The following ZNF564 variants were observed in gnomAD, a reference collection of about 807,000 sequenced individuals.
The protein encoded by ZNF564 is zinc finger protein 564.
Under a neutral mutation model 10.5 loss-of-function variants are expected in ZNF564, and 5 were observed. The ratio of observed to expected loss-of-function variants is 0.48; its 90% CI spans 0.25 to 1.00. The LOEUF is 1.00. Ranked by LOEUF, ZNF564 falls within the 50% of genes least tolerant of loss-of-function variation. The probability of loss-of-function intolerance (pLI) is 0.16; values close to 1 mark genes in which losing one functional copy is unlikely to be tolerated. For synonymous variants in ZNF564, 242 were observed against 218.1 expected, an observed-to-expected ratio of 1.11 and a Z score of -0.97; for missense variants, 603 against 669.7, an observed-to-expected ratio of 0.90 and a Z score of 1.10.
At chr19:12,547,898 G>A (rs952173251) in intron 1 of ZNF564, among the ~76,000 whole-genome samples, 2 of 149,758 alleles carry the variant, frequency 1.3e-5, no homozygotes, top group African/African-American at 4.9e-5. Flanking sequence ...CGCAACTTCC[G>A]CCTGCTGGGT....
At chr19:12,528,073 T>C (rs6511824) in intron 3 of ZNF564, among the ~76,000 whole-genome samples, 157 bp from the exon 4 acceptor site, 148,261 of 152,220 alleles carry the variant, frequency 0.97, 72,321 homozygotes, top group Non-Finnish European at 1. Flanking sequence ...CAAGAGAGCT[T>C]GACAGTAGCT....
At chr19:12,550,156 G>A (rs1166704962) in intron 1 of ZNF564, 1 of 152,356 alleles carries the variant, frequency 6.6e-6, no homozygotes, top group South Asian at 2.0e-4. Context: ...GCCGGGCATG[G>A]TGGCGCATGC....
chr19:12,537,957 A>T (rs2145079960), intron 1 of ZNF564, among the ~76,000 whole-genome samples: 1 of 152,004 alleles, frequency 6.6e-6, no homozygotes, highest in East Asian at 1.9e-4. Flanking sequence ...ACAGGAAAAA[A>T]TTTCCTTCTT....
In ZNF564 at chr19:12,527,113, G is replaced by A; in HGVS notation, c.995C>T (p.Thr332Ile). 2 of 1,614,130 alleles carry A rather than the reference G, an allele frequency of 1.2e-6. No individual in the cohort carries two copies. The highest frequency in any genetic ancestry group is 2.2e-5 in the South Asian group (2 of 91,078). Residue 332 changes from threonine to isoleucine, a missense_variant, in exon 4 of 4, where the codon ACT becomes ATT. Physicochemically the swap from Thr to Ile is moderately conservative, Grantham distance 89 (BLOSUM62 -1). Transcript: ENST00000339282. ...SYVRKHERTH[T>I]GEKPYECNKC... ...ATTACATTCATAGGGTTTCTCCCCA[G>A]TATGAGTTCTTTCATGCTTTCGAAC... is the stretch of plus-strand genomic sequence containing the variant.
chr19:12,548,051 AC>A, intron 1 of ZNF564: 5 of 508,376 alleles, frequency 9.8e-6, no homozygotes, highest in Non-Finnish European at 1.3e-5. Context: ...CAGGTGATCC[AC>A]CCACCTCAGC....
intron 1 of ZNF564, among the ~76,000 whole-genome samples, chr19:12,544,790 A>G (rs763282887): frequency 2.6e-5 from 4 of 152,206 alleles, no homozygotes; most frequent in Non-Finnish European, 5.9e-5. Flanking sequence ...TTAGGTGTGT[A>G]TATCAGGTCT....
rs1391699194 is a variant in ZNF564, at chr19:12,527,894, T to C, written c.214A>G (p.Ser72Gly). 3 of 1,606,388 alleles carry C rather than the reference T, an allele frequency of 1.9e-6. No individual in the cohort carries two copies. The highest frequency in any genetic ancestry group is 8.5e-7 in the Non-Finnish European group (1 of 1,175,774). Residue 72 changes from serine to glycine, a missense_variant, in exon 4 of 4, where the codon AGT (serine) becomes GGT (glycine). Physicochemically the swap from Ser to Gly is moderately conservative, Grantham distance 56. Transcript: ENST00000339282. ...ILRNHMEEGLSESKEYDQCGE... is the reference protein window; with the variant it reads ...ILRNHMEEGLGESKEYDQCGE... ...CATTGATCATATTCTTTACTTTCAC[T>C]GAGTCCCTCTTCCATATGATTTCTG...
At chr19:12,548,922 A>G (rs1009359516) in intron 1 of ZNF564, 7 of 700,756 alleles carry the variant, frequency 1.0e-5, no homozygotes, top group Non-Finnish European at 1.8e-5. Flanking sequence ...GTGGAAATGT[A>G]TTCGTTTCTC....
At chr19:12,530,906 A>G (rs1568262437) in intron 1 of ZNF564, among the ~76,000 whole-genome samples, 1 of 152,116 alleles carries the variant, frequency 6.6e-6, no homozygotes, top group Non-Finnish European at 1.5e-5. Context: ...AGCTAGAACT[A>G]TAGTCGCAAG....
At chr19:12,540,660 C>A (rs1388752448) in intron 1 of ZNF564, among the ~76,000 whole-genome samples, 1 of 152,198 alleles carries the variant, frequency 6.6e-6, no homozygotes, top group Non-Finnish European at 1.5e-5. Flanking sequence ...CGCCACCATC[C>A]TGGCTAACAT....
In ZNF564 at chr19:12,526,529, G is replaced by A; in HGVS notation, c.1579C>T (p.His527Tyr). Residue 527 changes from histidine (H) to tyrosine (Y), a missense_variant, in exon 4 of 4, where the codon CAT becomes TAT. His to Tyr is a moderately conservative substitution (Grantham distance 83). Coordinates refer to ENST00000339282, the MANE Select transcript of ZNF564 (RefSeq NM_144976.4). ...SSSFQRHERA[H>Y]NGDKPYVKNV... ...TTTACGTAAGGTTTATCTCCATTAT[G>A]AGCTCTTTCATGTCTTTGAAAGGAA... The A allele has an allele frequency of 6.2e-7, 1 of 1,613,484 alleles. No individual in the cohort carries two copies. Among genetic ancestry groups the A allele is most frequent in the African/African-American group, 1.3e-5 (1 of 74,986 alleles).
At chr19:12,546,031 A>G (rs2022145525) in intron 1 of ZNF564, among the ~76,000 whole-genome samples, 1 of 152,190 alleles carries the variant, frequency 6.6e-6, no homozygotes, top group African/African-American at 2.4e-5. Context: ...GTTGTGAATA[A>G]CAAAACACAC....
chr19:12,538,923 G>A (rs1454068889), intron 1 of ZNF564, among the ~76,000 whole-genome samples: 2 of 151,942 alleles, frequency 1.3e-5, no homozygotes, highest in Admixed American at 6.6e-5. Flanking sequence ...CACTAACGCA[G>A]TATGTTAAAA....
intron 1 of ZNF564, among the ~76,000 whole-genome samples, chr19:12,531,155 GT>G (rs1164552338): frequency 2.0e-5 from 3 of 152,158 alleles, no homozygotes; most frequent in Non-Finnish European, 4.4e-5. Flanking sequence ...TCAACAAAAA[GT>G]TCTTCTCCAA....
In ZNF564 at chr19:12,528,349, T is replaced by A; in HGVS notation, c.146A>T (p.Asp49Val). The A allele has an allele frequency of 6.2e-7, 1 of 1,607,716 alleles. No individual in the cohort carries two copies. Among genetic ancestry groups the A allele is most frequent in the Non-Finnish European group, 8.5e-7 (1 of 1,178,620 alleles). The change falls in exon 3 of 4, where the codon GAC becomes GTC. Residue 49 changes from aspartate (D) to valine (V), a missense_variant. Asp to Val is a radical substitution (Grantham distance 152). Transcript: ENST00000339282. ...NLACVGKKWE[D>V]QSIEDWYKNQ... ...TTTGTACCAATCTTCAATGCTCTGG[T>A]CTTCCCATTTTTTTCCTAAAATATA...
rs901604188 is a variant in ZNF564, at chr19:12,527,616, A to G, written c.492T>C (p.Thr164=). 2.5e-6 allele frequency: 4 copies of G among 1,614,086 alleles called. No individual in the cohort carries two copies. In the African/African-American group the frequency reaches 5.3e-5, roughly 22 times the overall value. ...CCGGACATGCATAGGGTTTCTCACC[A>G]GTGTGAGTTCTTTCATGTCTTCGAA... ...QSFRRHERTH[T]GEKPYACPEC... The change falls in exon 4 of 4, where the codon ACT becomes ACC. Residue 164 remains threonine (T), a synonymous_variant. Transcript: ENST00000339282.
rs773975038 is a variant in ZNF564 at position 12,527,430 on chromosome 19, T to C, written c.678A>G (p.Glu226=). 1 of 1,614,158 alleles carries C rather than the reference T, an allele frequency of 6.2e-7. No homozygotes were observed. Among genetic ancestry groups the C allele is most frequent in the South Asian group, 1.1e-5 (1 of 91,084 alleles). The change falls in exon 4 of 4, where the codon GAA becomes GAG. Residue 226 remains glutamate (E), a synonymous_variant. Transcript: ENST00000339282. ...ERTHTGEKPY[E]CQECAKAFIS... ...TGAAAGCTTTTGCACATTCCTGACA[T>C]TCATAGGGTTTCTCTCCAGTGTGAG... is the stretch of plus-strand genomic sequence containing the variant.
At chr19:12,533,465 G>T (rs796870926) in intron 1 of ZNF564, among the ~76,000 whole-genome samples, 1 of 152,116 alleles carries the variant, frequency 6.6e-6, no homozygotes, top group Admixed American at 6.5e-5. Context: ...AGTGGCTCAC[G>T]CCTATAATCC....
In ZNF564 at chr19:12,529,580, T is replaced by C. The variant is rs919878476; in HGVS notation, c.4-884A>G. ...GAGATCATGCCATTGCACTCCAGCC[T>C]GGAGGACAGAGAGAGACTAAGTCTC... On this transcript the variant is annotated intron_variant, in intron 1 of 3. Transcript: ENST00000339282. Among the ~76,000 whole-genome samples the C allele has an allele frequency of 2.0e-5, 3 of 147,616 alleles. No individual in the cohort carries two copies. In the East Asian group the frequency reaches 5.9e-4, roughly 29 times the overall value.
Sources: gnomAD v4.1 joint callset for allele counts (sites outside exome capture counted in the v4.1 genomes callset) on GRCh38, gnomAD v4.1.1 for gene constraint, MANE v1.5 for transcripts, NCBI Gene and HGNC (gene_info 2026-07-23, HGNC 2026-07-21) for gene names.